The following PIK3C2G variants were observed in gnomAD, a reference collection of about 807,000 sequenced individuals.
The protein encoded by PIK3C2G is phosphatidylinositol 3-kinase C2 domain-containing subunit gamma.
In PIK3C2G, 168 loss-of-function variants were observed where a neutral mutation model predicts 181.1. The ratio of observed to expected loss-of-function variants is 0.93; its 90% CI spans 0.82 to 1.05. The LOEUF is 1.05. Among genes scored for constraint, PIK3C2G ranks in the 50% least tolerant of loss-of-function variants. PIK3C2G has a pLI of 0.00. For missense variants in PIK3C2G, 1,869 were observed against 1,732.8 expected (o/e 1.08, Z -1.40); for synonymous variants, 573 against 592.2 (o/e 0.97, Z 0.47).
chr12:18,249,294 AGAG>A (rs1948072593), intron 1 of PIK3C2G, among the ~76,000 whole-genome samples: 2 of 152,206 alleles, frequency 1.3e-5, no homozygotes, highest in African/African-American at 4.8e-5. Flanking sequence ...GATTACTTTC[AGAG>A]GAATGAATAT....
intron 32 of PIK3C2G, among the ~76,000 whole-genome samples, chr12:18,646,922 T>C (rs1334803401): frequency 6.6e-6 from 1 of 151,038 alleles, no homozygotes; most frequent in Non-Finnish European, 1.5e-5. Flanking sequence ...AAAAAAAAAG[T>C]CACAAAAAAA....
At chr12:18,710,518 G>T in the PIK3C2G span, among the ~76,000 whole-genome samples, 1 of 151,992 alleles carries the variant, frequency 6.6e-6, no homozygotes, top group East Asian at 1.9e-4. Flanking sequence ...GAGTGAGGCC[G>T]AAGGCTTTGA....
chr12:18,476,063 C>G (rs1036460307), intron 18 of PIK3C2G, among the ~76,000 whole-genome samples: 1 of 151,986 alleles, frequency 6.6e-6, no homozygotes, highest in African/African-American at 2.4e-5. Flanking sequence ...TTTAAAAAAA[C>G]TAAAACACGA....
At chr12:18,393,647 A>G (rs570168976) in intron 15 of PIK3C2G, among the ~76,000 whole-genome samples, 1 of 152,260 alleles carries the variant, frequency 6.6e-6, no homozygotes, top group Non-Finnish European at 1.5e-5. Context: ...TCTACCATGA[A>G]GAATACCTAG....
At chr12:18,607,035 C>A (rs920038341) in intron 30 of PIK3C2G, 11 of 304,058 alleles carry the variant, frequency 3.6e-5, no homozygotes, top group Non-Finnish European at 2.0e-5. Context: ...AAAAGTAAGC[C>A]CTGAGATAGA....
chr12:18,545,751 A>G (rs1328689534), intron 25 of PIK3C2G, among the ~76,000 whole-genome samples: 1 of 151,896 alleles, frequency 6.6e-6, no homozygotes, highest in East Asian at 1.9e-4. Context: ...GGAGTCATAA[A>G]AGAACATAGG....
At chr12:18,675,357 G>A in the PIK3C2G span, among the ~76,000 whole-genome samples, 7 of 152,072 alleles carry the variant, frequency 4.6e-5, no homozygotes, top group Non-Finnish European at 1.0e-4. Flanking sequence ...TAGGTACATT[G>A]AGACTATACC....
At position 18,313,983 on chromosome 12, in the gene PIK3C2G, C is replaced by A; in HGVS notation, c.1056C>A (p.His352Gln). 1 of 1,586,730 alleles carries A rather than the reference C, an allele frequency of 6.3e-7. No individual in the cohort carries two copies. Among genetic ancestry groups the A allele is most frequent in the South Asian group, 1.2e-5 (1 of 86,598 alleles). ...FLQNDHCLGS[H>Q]KMFQKDKSVI... ...TCAGCGACCACTGTTTGGGGAGCCA[C>A]AAAATGTTTCAAAAAGATAAATCTG... Residue 352 changes from histidine to glutamine, a missense_variant, in exon 6 of 33, where the codon CAC (histidine) becomes CAA (glutamine). Transcript: ENST00000538779.
intron 24 of PIK3C2G, among the ~76,000 whole-genome samples, chr12:18,506,546 G>C (rs956674016): frequency 2.0e-5 from 3 of 152,180 alleles, no homozygotes; most frequent in Non-Finnish European, 4.4e-5. Flanking sequence ...GACGTTGGCT[G>C]TGATTAATGA....
downstream of PIK3C2G, chr12:18,648,461 A>C (rs765336265): frequency 5.3e-6 from 1 of 190,030 alleles, no homozygotes; most frequent in Non-Finnish European, 1.1e-5. Flanking sequence ...TAAATTATAT[A>C]TACTTATACC....
intron 11 of PIK3C2G, among the ~76,000 whole-genome samples, chr12:18,347,887 T>A (rs1939829017): frequency 6.6e-6 from 1 of 152,116 alleles, no homozygotes; most frequent in Non-Finnish European, 1.5e-5. Flanking sequence ...TGTATAAATA[T>A]TCAGAGTAAA....
chr12:18,325,440 A>G (rs1436165163), intron 8 of PIK3C2G, among the ~76,000 whole-genome samples: 1 of 152,132 alleles, frequency 6.6e-6, no homozygotes, highest in Non-Finnish European at 1.5e-5. Flanking sequence ...AACTTTCGGC[A>G]AAGAACAACA....
chr12:18,664,861 C>G, the PIK3C2G span, among the ~76,000 whole-genome samples: 4 of 151,294 alleles, frequency 2.6e-5, no homozygotes, highest in Non-Finnish European at 5.9e-5. Context: ...TTTGTAGGGA[C>G]ATGGATGAAA....
In PIK3C2G at chr12:18,434,347, A is replaced by G. The variant is rs79546452; in HGVS notation, c.2504+10308A>G. ...TCCAGCTCATGAATTTTTAAAGGGA[A>G]CACATTGAAACCATTACATCCCCTA... On this transcript the variant is annotated intron_variant, in intron 18 of 32. Coordinates refer to ENST00000538779, the MANE Select transcript of PIK3C2G (RefSeq NM_001288772.2). Among the ~76,000 whole-genome samples the G allele has an allele frequency of 7.5e-3, 1,135 of 152,282 alleles. 15 individuals are homozygous for G. The highest frequency in any genetic ancestry group is 0.026 in the African/African-American group (1,099 of 41,572).
chr12:18,552,259 C>T lies in PIK3C2G; in HGVS notation c.3590+5827C>T, dbSNP rs188797151. On this transcript the variant is annotated intron_variant, in intron 26 of 32. Transcript: ENST00000538779. Reference sequence around the variant, plus strand: ...CCCCTCATTCCTCATTTATTTCTCACGGCTAGGGTGTGAGACAAGACTCTT... The same window carrying T: ...CCCCTCATTCCTCATTTATTTCTCATGGCTAGGGTGTGAGACAAGACTCTT... Among the ~76,000 whole-genome samples the T allele has an allele frequency of 1.7e-3, 252 of 152,190 alleles. 2 individuals are homozygous for T. The highest frequency in any genetic ancestry group is 5.7e-3 in the African/African-American group (235 of 41,544).
At chr12:18,258,193 T>C (rs1369663101), upstream of PIK3C2G, among the ~76,000 whole-genome samples, 1 of 152,178 alleles carries the variant, frequency 6.6e-6, no homozygotes, top group African/African-American at 2.4e-5. Context: ...TTGTATATAT[T>C]TATGGTGTAC....
intron 18 of PIK3C2G, among the ~76,000 whole-genome samples, chr12:18,429,470 T>C (rs1183587946): frequency 3.3e-5 from 5 of 152,188 alleles, no homozygotes; most frequent in Non-Finnish European, 7.3e-5. Flanking sequence ...AAGCTTTCCC[T>C]GACCCTCTCC....
chr12:18,502,118 G>T (rs1941534648), intron 22 of PIK3C2G, among the ~76,000 whole-genome samples: 1 of 152,148 alleles, frequency 6.6e-6, no homozygotes, highest in Non-Finnish European at 1.5e-5. Context: ...TTGATACTAT[G>T]GATATTCCCA....
intron 31 of PIK3C2G, among the ~76,000 whole-genome samples, chr12:18,635,237 A>C (rs1285343819): frequency 6.6e-6 from 1 of 152,206 alleles, no homozygotes; most frequent in East Asian, 1.9e-4. Context: ...GACCGCAGGG[A>C]ACTCTTTATG....
Sources: allele counts gnomAD v4.1 joint callset (sites outside exome capture counted in the v4.1 genomes callset), GRCh38; gene constraint gnomAD v4.1.1; transcripts MANE v1.5; gene names NCBI Gene and HGNC (gene_info 2026-07-23, HGNC 2026-07-21).